Variants in AKNA observed in about 807,000 individuals in gnomAD.
The protein encoded by AKNA is AT-hook transcription factor.
A neutral mutation model predicts 138.8 loss-of-function variants in AKNA; 67 were observed. The ratio of observed to expected loss-of-function variants is 0.48; its 90% CI spans 0.40 to 0.59. The LOEUF (loss-of-function observed/expected upper bound fraction) is 0.59. Among genes scored for constraint, AKNA ranks in the 20% least tolerant of loss-of-function variants. AKNA has a pLI of 0.00. For missense variants in AKNA, 1,813 were observed against 1,880.4 expected (o/e 0.96, Z 0.66); for synonymous variants, 737 against 754.4 (o/e 0.98, Z 0.38).
At chr9:114,365,860 G>C (rs1832307727) in intron 6 of AKNA, among the ~76,000 whole-genome samples, 1 of 152,204 alleles carries the variant, frequency 6.6e-6, no homozygotes, top group Non-Finnish European at 1.5e-5. Context: ...TTCTGAATTG[G>C]ACCGTGCAGC....
intron 15 of AKNA, among the ~76,000 whole-genome samples, chr9:114,349,440 C>T (rs556438323): frequency 1.3e-5 from 2 of 152,302 alleles, no homozygotes; most frequent in East Asian, 3.9e-4. Context: ...GGCCCAACTT[C>T]CAAAATACCT....
Position 114,367,528 on chromosome 9 carries a change from T to C in AKNA, c.1728+15A>G. ...GAGTTAAGTCTCTCGGGGGCAAAGC[T>C]GGGAGTCCACTCACCTTGGCCAGGA... is the stretch of plus-strand genomic sequence containing the variant. On this transcript the variant is annotated intron_variant, in intron 6 of 21. Transcript: ENST00000374088. 1 of 1,611,958 alleles carries C rather than the reference T, an allele frequency of 6.2e-7. No individual in the cohort carries two copies. Among genetic ancestry groups the C allele is most frequent in the Non-Finnish European group, 8.5e-7 (1 of 1,179,760 alleles).
rs1831484153 is a variant in AKNA, at chr9:114,356,097, C to G, written c.2886G>C (p.Val962=). The change falls in exon 14 of 22, where the codon GTG becomes GTC. Residue 962 remains valine (V), a synonymous_variant. Coordinates refer to ENST00000374088, the MANE Select transcript of AKNA (RefSeq NM_001317950.2). ...GTLAQPFAAS[V]PRDGASYPKA... is the part of the protein sequence containing the mutation. Reference sequence around the variant, plus strand: ...TGGGGTAGGAAGCTCCATCCCTGGGCACAGATGCAGCAAAGGGCTGGGCTA... The same window carrying G: ...TGGGGTAGGAAGCTCCATCCCTGGGGACAGATGCAGCAAAGGGCTGGGCTA... The G allele has an allele frequency of 6.2e-7, 1 of 1,614,066 alleles. No homozygotes were observed. The highest frequency in any genetic ancestry group is 8.5e-7 in the Non-Finnish European group (1 of 1,180,008).
At chr9:114,387,345 G>A (rs1322607471) in intron 1 of AKNA, among the ~76,000 whole-genome samples, 2 of 152,230 alleles carry the variant, frequency 1.3e-5, no homozygotes, top group Non-Finnish European at 2.9e-5. Flanking sequence ...ACGGTGCCCT[G>A]GCTGTTGCCA....
chr9:114,369,452 C>A (rs1046235803), intron 4 of AKNA, among the ~76,000 whole-genome samples: 3 of 152,140 alleles, frequency 2.0e-5, no homozygotes, highest in Non-Finnish European at 4.4e-5. Context: ...ACAATCTGGC[C>A]CTTTACAGAG....
At chr9:114,340,804 A>G (rs1200402754) in intron 21 of AKNA, among the ~76,000 whole-genome samples, 1 of 152,128 alleles carries the variant, frequency 6.6e-6, no homozygotes, top group African/African-American at 2.4e-5. Context: ...AAGTCCTACA[A>G]TATTCCCGAC....
chr9:114,333,488 T>G (rs1296580893), downstream of AKNA, among the ~76,000 whole-genome samples: 9 of 129,160 alleles, frequency 7.0e-5, no homozygotes, highest in African/African-American at 2.9e-4. Context: ...TCTAGAAAGA[T>G]GAGGAGCATA....
Position 114,377,063 on chromosome 9 carries a change from G to A in AKNA, c.744C>T (p.Gly248=). The part of the protein sequence containing the change: ...GPSHHLLSPD[G]RTGGSVARAT... ...CCCGAGCAACACTGCCTCCAGTTCT[G>A]CCATCTGGGCTTAGGAGGTGGTGGC... Residue 248 remains glycine, a synonymous_variant, in exon 3 of 22, where the codon GGC becomes GGT. Transcript: ENST00000374088. 6.2e-7 allele frequency: 1 copy of A among 1,613,986 alleles called. No homozygotes were observed. The highest frequency in any genetic ancestry group is 2.2e-5 in the East Asian group (1 of 44,870).
At chr9:114,370,793 G>C (rs1254910928) in intron 4 of AKNA, among the ~76,000 whole-genome samples, 1 of 152,182 alleles carries the variant, frequency 6.6e-6, no homozygotes, top group Admixed American at 6.5e-5. Context: ...AATGGGGAGG[G>C]AGGGGAGGAG....
intron 15 of AKNA, 34 bp downstream of exon 15, chr9:114,350,822 TGAG>T (rs1831060753): frequency 6.6e-7 from 1 of 1,517,880 alleles, no homozygotes; most frequent in Non-Finnish European, 8.8e-7. Flanking sequence ...GTCTGTATGA[TGAG>T]CTTGAATCCC....
upstream of AKNA, among the ~76,000 whole-genome samples, chr9:114,394,833 C>T (rs1039889990): frequency 6.6e-6 from 1 of 152,200 alleles, no homozygotes; most frequent in African/African-American, 2.4e-5. Context: ...GACCCTGAGA[C>T]CTCCCCTCCT....
At chr9:114,347,272 T>G (rs150989736) in intron 16 of AKNA, among the ~76,000 whole-genome samples, 3,214 of 152,218 alleles carry the variant, frequency 0.021, 96 homozygotes, top group African/African-American at 0.073. Context: ...CAGGCTGGAG[T>G]GCAGTGGCAC....
chr9:114,368,715 A>G, intron 4 of AKNA, 120 bp from the exon 5 acceptor site: 1 of 906,092 alleles, frequency 1.1e-6, no homozygotes, highest in Non-Finnish European at 1.5e-6. Context: ...ACCATCTTTC[A>G]GTGCAGCCCT....
intron 4 of AKNA, among the ~76,000 whole-genome samples, chr9:114,373,883 C>A (rs1223829396): frequency 5.2e-5 from 3 of 57,216 alleles, no homozygotes; most frequent in African/African-American, 2.1e-4. Flanking sequence ...AAGACCCTGA[C>A]TCAAAAAAAA....
intron 19 of AKNA, among the ~76,000 whole-genome samples, chr9:114,342,481 C>T (rs952476457): frequency 5.3e-5 from 8 of 152,148 alleles, no homozygotes; most frequent in Non-Finnish European, 1.2e-4. Flanking sequence ...GATCCTAAGC[C>T]CGGGCTCTCC....
intron 5 of AKNA, 47 bp from the exon 6 acceptor site, chr9:114,367,744 A>G (rs1832469688): frequency 1.3e-6 from 2 of 1,504,844 alleles, no homozygotes; most frequent in Non-Finnish European, 1.8e-6. Flanking sequence ...CAGTCCTTCC[A>G]GGAGCTGAAG....
chr9:114,342,011 G>C lies in AKNA; in HGVS notation c.3872C>G (p.Ser1291Cys). ...PEADGPGSAT[S>C]GAEKATTRRK... ...GAAGAAACAGTATTTGTCCCTACCA[G>C]AGGTGGCTGAGCCTGGACCATCTGC... The change falls in exon 20 of 22, where the codon TCT (serine) becomes TGT (cysteine). Residue 1291 changes from serine to cysteine, a missense_variant and splice_region_variant. Coordinates refer to ENST00000374088, the MANE Select transcript of AKNA (RefSeq NM_001317950.2). The C allele has an allele frequency of 6.2e-7, 1 of 1,612,232 alleles. No individual in the cohort carries two copies. Among genetic ancestry groups the C allele is most frequent in the Non-Finnish European group, 8.5e-7 (1 of 1,178,280 alleles).
chr9:114,353,262 T>TG (rs1831258813), intron 14 of AKNA, among the ~76,000 whole-genome samples: 1 of 32,758 alleles, frequency 3.1e-5, no homozygotes, highest in South Asian at 1.5e-3. Context: ...TTATTTTTTG[T>TG]TTTTTTTTTT....
intron 15 of AKNA, among the ~76,000 whole-genome samples, chr9:114,348,321 C>T (rs1456361432): frequency 6.6e-6 from 1 of 152,198 alleles, no homozygotes; most frequent in Non-Finnish European, 1.5e-5. Flanking sequence ...TCTCTCCAGA[C>T]CTGGCAGAAG....
Sources: allele counts gnomAD v4.1 joint callset (sites outside exome capture counted in the v4.1 genomes callset), GRCh38; gene constraint gnomAD v4.1.1; transcripts MANE v1.5; gene names NCBI Gene and HGNC (gene_info 2026-07-23, HGNC 2026-07-21).